Variants in FAT1 observed in about 807,000 individuals in gnomAD.
FAT1 encodes the protein protocadherin Fat 1.
Under a neutral mutation model 329.8 loss-of-function variants are expected in FAT1, and 171 were observed. The ratio of observed to expected loss-of-function variants is 0.52; its 90% CI spans 0.46 to 0.59. The LOEUF is 0.59. Ranked by LOEUF, FAT1 falls within the 20% of genes least tolerant of loss-of-function variation. The pLI is 0.00. For missense variants in FAT1, 5,672 were observed against 5,774.4 expected, an observed-to-expected ratio of 0.98 and a Z score of 0.57; for synonymous variants, 2,233 against 2,228.6, an observed-to-expected ratio of 1.00 and a Z score of -0.06.
intron 22 of FAT1, 115 bp downstream of exon 22, chr4:186,599,783 T>C (rs1389560021): frequency 2.5e-6 from 2 of 808,028 alleles, no homozygotes; most frequent in Non-Finnish European, 3.9e-6. Context: ...CTGACTGCAG[T>C]GTCTGACAAA....
chr4:186,632,061 C>T (rs1487722227), intron 7 of FAT1, among the ~76,000 whole-genome samples: 2 of 152,170 alleles, frequency 1.3e-5, no homozygotes, highest in Non-Finnish European at 2.9e-5. Flanking sequence ...CAGCCTATGA[C>T]AATGGCCCAA....
rs2126705794 is a variant in FAT1, at chr4:186,709,657, G to A, written c.171C>T (p.Val57=). ...GATGTGTAATGTAAACACCCATCTTGACAGGATGCCCCACATAAGTCTTAG... is the reference window on the plus strand; with the variant it reads ...GATGTGTAATGTAAACACCCATCTTAACAGGATGCCCCACATAAGTCTTAG... ...SAAKTYVGHP[V]KMGVYITHPA... The change falls in exon 2 of 27, where the codon GTC becomes GTT. Residue 57 remains valine, a synonymous_variant. Coordinates refer to ENST00000441802, the MANE Select transcript of FAT1 (RefSeq NM_005245.4). 2 of 1,613,898 alleles carry A rather than the reference G, an allele frequency of 1.2e-6. No individual in the cohort carries two copies. The highest frequency in any genetic ancestry group is 1.1e-5 in the South Asian group (1 of 91,060).
chr4:186,616,061 C>A (rs930742270), intron 11 of FAT1, among the ~76,000 whole-genome samples: 1 of 152,096 alleles, frequency 6.6e-6, no homozygotes, highest in Non-Finnish European at 1.5e-5. Flanking sequence ...GGCTGTCACA[C>A]CAGATGGTCT....
At chr4:186,671,450 C>A (rs1374021377) in intron 2 of FAT1, among the ~76,000 whole-genome samples, 1 of 152,174 alleles carries the variant, frequency 6.6e-6, no homozygotes, top group African/African-American at 2.4e-5. Context: ...GTAATCCCAG[C>A]ACTTTGGGAG....
chr4:186,619,723 T>A lies in FAT1; in HGVS notation c.6863A>T (p.Tyr2288Phe). ...DNPPVFAQQS[Y>F]AVTLSEASVI... ...AGATGCCTCAGACAGGGTCACCGCA[T>A]AAGACTGCTGAGCAAACACAGGAGG... The change falls in exon 10 of 27, where the codon TAT becomes TTT. Residue 2288 changes from tyrosine (Y) to phenylalanine (F), a missense_variant. Around this residue, in one of 2 missense-constraint regions of FAT1, gnomAD observed 3,966 missense variants for 3,915.2 expected, o/e 1.01. Transcript: ENST00000441802. 6.2e-7 allele frequency: 1 copy of A among 1,614,022 alleles called. No individual in the cohort carries two copies. Among genetic ancestry groups the A allele is most frequent in the Non-Finnish European group, 8.5e-7 (1 of 1,179,894 alleles).
chr4:186,672,127 T>C (rs923485668), intron 2 of FAT1, among the ~76,000 whole-genome samples: 1 of 152,230 alleles, frequency 6.6e-6, no homozygotes, highest in African/African-American at 2.4e-5. Flanking sequence ...CAATGTTTAA[T>C]GGTTTATTTT....
rs1465543557 is a variant in FAT1, at chr4:186,618,696, G to A, written c.7890C>T (p.Asp2630=). The A allele has an allele frequency of 1.2e-6, 2 of 1,613,908 alleles. No individual in the cohort carries two copies. Among genetic ancestry groups the A allele is most frequent in the African/African-American group, 1.3e-5 (1 of 74,932 alleles). The change falls in exon 10 of 27, where the codon GAC becomes GAT. Residue 2630 remains aspartate, a synonymous_variant. Coordinates refer to ENST00000441802, the MANE Select transcript of FAT1 (RefSeq NM_005245.4). ...AGTCTGCTTCAATGGCATAGGTGATGTCGGCATTGGAGCCCTCATCGGCAT... is the reference window on the plus strand; with the variant it reads ...AGTCTGCTTCAATGGCATAGGTGATATCGGCATTGGAGCCCTCATCGGCAT... ...ASDADEGSNA[D]ITYAIEADSE...
intron 3 of FAT1, among the ~76,000 whole-genome samples, chr4:186,648,515 G>A (rs959770457): frequency 5.9e-5 from 9 of 152,016 alleles, no homozygotes; most frequent in Admixed American, 2.6e-4. Flanking sequence ...AATGGATCAC[G>A]GGTGCTAAGT....
At chr4:186,718,867 C>G (rs551692004) in intron 1 of FAT1, among the ~76,000 whole-genome samples, 22 of 152,182 alleles carry the variant, frequency 1.4e-4, no homozygotes, top group African/African-American at 5.1e-4. Context: ...CCTGGCAGAA[C>G]AGCCGTTCCC....
intron 2 of FAT1, among the ~76,000 whole-genome samples, chr4:186,687,632 T>C (rs1169740988): frequency 6.6e-6 from 1 of 152,224 alleles, no homozygotes; most frequent in Non-Finnish European, 1.5e-5. Flanking sequence ...TTCAGATTTC[T>C]GGATGTGGGA....
In FAT1 at chr4:186,618,581, A is replaced by G. The variant is rs759780862; in HGVS notation, c.8005T>C (p.Phe2669Leu). Residue 2669 changes from phenylalanine to leucine, a missense_variant, in exon 10 of 27, where the codon TTC (phenylalanine) becomes CTC (leucine). Physicochemically the swap from Phe to Leu is conservative, Grantham distance 22. This residue lies in a region of FAT1 where 3,966 missense variants were observed against 3,915.2 expected (regional missense o/e 1.01). Coordinates refer to ENST00000441802, the MANE Select transcript of FAT1 (RefSeq NM_005245.4). ...ESLIGLENEF[F>L]TFFVRAVDNG... ...TCCACAGCTCTAACAAAGAAAGTGA[A>G]GAATTCATTTTCCAAGCCAATGAGG... The G allele has an allele frequency of 1.9e-6, 3 of 1,614,030 alleles. No homozygotes were observed. The South Asian group carries it at 3.3e-5, about 18-fold the overall frequency.
intron 3 of FAT1, among the ~76,000 whole-genome samples, chr4:186,647,477 T>A (rs1741434710): frequency 1.3e-5 from 2 of 152,218 alleles, no homozygotes; most frequent in Admixed American, 1.3e-4. Flanking sequence ...CAACTCTAAA[T>A]GTATCAATCA....
At chr4:186,642,578 GAGAAT>G (rs1292914321) in intron 3 of FAT1, among the ~76,000 whole-genome samples, 1 of 152,226 alleles carries the variant, frequency 6.6e-6, no homozygotes, top group South Asian at 2.1e-4. Flanking sequence ...TGAGCCAACA[GAGAAT>G]GCGTTAGTAC....
At chr4:186,641,082 T>C (rs967367709) in intron 3 of FAT1, among the ~76,000 whole-genome samples, 1 of 152,268 alleles carries the variant, frequency 6.6e-6, no homozygotes, top group Non-Finnish European at 1.5e-5. Flanking sequence ...TTAAGGGATA[T>C]TCAACATGTT....
At chr4:186,683,008 C>A (rs571882056) in intron 2 of FAT1, among the ~76,000 whole-genome samples, 42 of 152,204 alleles carry the variant, frequency 2.8e-4, no homozygotes, top group Non-Finnish European at 5.4e-4. Context: ...GTATTCCTAC[C>A]ATTCCCTTCA....
intron 3 of FAT1, among the ~76,000 whole-genome samples, chr4:186,645,033 A>C (rs1041269097): frequency 1.3e-5 from 2 of 152,128 alleles, no homozygotes; most frequent in Non-Finnish European, 2.9e-5. Flanking sequence ...GGAGCTACAC[A>C]CAGAAAACAG....
chr4:186,632,975 A>G (rs890805140), intron 7 of FAT1, among the ~76,000 whole-genome samples: 4 of 152,218 alleles, frequency 2.6e-5, no homozygotes, highest in African/African-American at 9.6e-5. Flanking sequence ...ACCTTCCAGA[A>G]TGGTGCCTGG....
rs187059403 is a variant in FAT1 at position 186,625,995 on chromosome 4, T to C, written c.4810+2159A>G. 9.7e-3 allele frequency among the ~76,000 whole-genome samples: 1,138 copies of C among 117,504 alleles called. 9 individuals carry two copies. Among genetic ancestry groups the C allele is most frequent in the Middle Eastern group, 0.023 (4 of 174 alleles). The allele number at this position is 117,504 out of a possible 152,430, so 77.1% of individuals were successfully genotyped here. Reference sequence around the variant, plus strand: ...CCAACATGGCACCTGGCACATAAAGTGAGCTTCATCAGCCTACAGAATGAA... The same window carrying C: ...CCAACATGGCACCTGGCACATAAAGCGAGCTTCATCAGCCTACAGAATGAA... On this transcript the variant is annotated intron_variant, in intron 9 of 26. Transcript: ENST00000441802.
Position 186,596,725 on chromosome 4 carries a change from G to A in FAT1, c.12815C>T (p.Ser4272Phe). The A allele has an allele frequency of 6.2e-7, 1 of 1,614,020 alleles. No individual in the cohort carries two copies. The highest frequency in any genetic ancestry group is 8.5e-7 in the Non-Finnish European group (1 of 1,179,894). The change falls in exon 25 of 27, where the codon TCC becomes TTC. Residue 4272 changes from serine to phenylalanine, a missense_variant. Ser to Phe is a radical substitution (Grantham distance 155). Around this residue, in one of 2 missense-constraint regions of FAT1, gnomAD observed 1,706 missense variants for 1,859.1 expected, o/e 0.92. Coordinates refer to ENST00000441802, the MANE Select transcript of FAT1 (RefSeq NM_005245.4). This position sits in a 1 kb window ranked among gnomAD's most constrained non-coding sequence, Gnocchi z 4.7. ...SDSRNNLDRN[S>F]FEGSAIPEHP... ...CTCTGGGATAGCAGATCCTTCGAAG[G>A]AATTTCGGTCCAGATTGTTTCTTGA...
Sources: gnomAD v4.1 joint callset for allele counts (sites outside exome capture counted in the v4.1 genomes callset) on GRCh38, gnomAD v4.1.1 for gene constraint, gnomAD v4.1.1 regional missense constraint, Gnocchi (gnomAD v3.1) non-coding constraint, MANE v1.5 for transcripts, NCBI Gene and HGNC (gene_info 2026-07-23, HGNC 2026-07-21) for gene names.